The following DGKE variants were observed in gnomAD, a reference collection of about 807,000 sequenced individuals.
DGKE encodes the protein DAG kinase epsilon.
DGKE carries 53 observed loss-of-function variants against 70.0 expected under a neutral mutation model. The observed-to-expected ratio is 0.76, with a 90% CI of 0.61 to 0.95. The LOEUF (loss-of-function observed/expected upper bound fraction) is 0.95. Ranked by LOEUF, DGKE falls within the 40% of genes least tolerant of loss-of-function variation. The pLI is 0.00. For missense variants in DGKE, 655 were observed against 706.9 expected (o/e 0.93, Z 0.83); for synonymous variants, 291 against 257.0 (o/e 1.13, Z -1.27).
chr17:56,856,045 G>T (rs1025715137), intron 7 of DGKE, among the ~76,000 whole-genome samples: 1 of 151,702 alleles, frequency 6.6e-6, no homozygotes, highest in South Asian at 2.1e-4. Context: ...AGAGGTCAAG[G>T]GTGTGTTGGA....
chr17:56,849,133 T>C (rs1480040116), intron 6 of DGKE, 48 bp from the exon 7 acceptor site: 3 of 1,541,562 alleles, frequency 1.9e-6, no homozygotes, highest in South Asian at 2.3e-5. Context: ...ATCCAGAGTA[T>C]GGGGTTTATT....
intron 11 of DGKE, 164 bp downstream of exon 11, chr17:56,862,415 C>A: frequency 1.1e-6 from 1 of 876,436 alleles, no homozygotes. Context: ...GAAACAGAAA[C>A]ATGGCTCAAG....
chr17:56,848,901 A>C, intron 6 of DGKE, 48 bp downstream of exon 6: 1 of 1,610,968 alleles, frequency 6.2e-7, no homozygotes, highest in Non-Finnish European at 8.5e-7. Flanking sequence ...TTTAGCCATA[A>C]TTGGTTAACA....
At chr17:56,858,714 A>G in intron 9 of DGKE, 49 bp downstream of exon 9, 1 of 1,343,812 alleles carries the variant, frequency 7.4e-7, no homozygotes. Context: ...TGGTCTCTGG[A>G]TTATGAAGAC....
intron 7 of DGKE, among the ~76,000 whole-genome samples, chr17:56,850,754 A>C (rs1907598619): frequency 6.6e-6 from 1 of 152,160 alleles, no homozygotes; most frequent in South Asian, 2.1e-4. Flanking sequence ...CAAAACTAGG[A>C]AGGTTCGCAT....
intron 9 of DGKE, among the ~76,000 whole-genome samples, chr17:56,859,547 G>A (rs924386956): frequency 1.3e-5 from 2 of 150,976 alleles, no homozygotes; most frequent in Non-Finnish European, 3.0e-5. Context: ...ATCCTCCTAA[G>A]CAGCTGGGAT....
intron 10 of DGKE, 40 bp from the exon 11 acceptor site, chr17:56,862,099 TA>T: frequency 1.2e-6 from 2 of 1,601,208 alleles, no homozygotes; most frequent in South Asian, 2.2e-5. Flanking sequence ...ACTGATTTTT[TA>T]TTGCATCATA....
rs188737731 is a variant in DGKE, at chr17:56,866,023, C to T, written c.*3232C>T. The T allele has an allele frequency of 6.6e-6, 1 of 152,022 alleles. No homozygotes were observed. Among genetic ancestry groups the T allele is most frequent in the Non-Finnish European group, 1.5e-5 (1 of 68,002 alleles). 9.4% of individuals were successfully genotyped at this position (152,022 alleles called of 1,614,324 possible). On this transcript the variant is annotated 3_prime_UTR_variant, in exon 12 of 12. Coordinates refer to ENST00000284061, the MANE Select transcript of DGKE (RefSeq NM_003647.3). ...ATTGATAATTTTTTTAATATTTCTA[C>T]CCAGTTGAGGACAGTGGAATATAAG...
In DGKE at chr17:56,866,454, A is replaced by G. The variant is rs1487503813; in HGVS notation, c.*3663A>G. On this transcript the variant is annotated 3_prime_UTR_variant, in exon 12 of 12. Coordinates refer to ENST00000284061, the MANE Select transcript of DGKE (RefSeq NM_003647.3). ...TTTTGCTAGGTGGGATACCATGCCG[A>G]AAAATTGAATTAATTGTATGTTCTT... The G allele has an allele frequency of 6.6e-6, 1 of 152,250 alleles. No individual in the cohort carries two copies. The highest frequency in any genetic ancestry group is 1.9e-4 in the East Asian group (1 of 5,208). 9.4% of individuals were successfully genotyped at this position (152,250 alleles called of 1,614,324 possible).
chr17:56,862,799 A>G lies in DGKE; in HGVS notation c.*8A>G. ...ATAAAGGCGACTGAATAGATGGATG[A>G]GGGAGTGAAAACTTTGCATAGAATC... On this transcript the variant is annotated 3_prime_UTR_variant, in exon 12 of 12. Coordinates refer to ENST00000284061, the MANE Select transcript of DGKE (RefSeq NM_003647.3). 6.5e-7 allele frequency: 1 copy of G among 1,531,580 alleles called. No individual in the cohort carries two copies. 94.9% of individuals were successfully genotyped at this position (1,531,580 alleles called of 1,614,324 possible).
At chr17:56,849,047 C>T in intron 6 of DGKE, 134 bp from the exon 7 acceptor site, 1 of 1,187,248 alleles carries the variant, frequency 8.4e-7, no homozygotes, top group Non-Finnish European at 1.2e-6. Context: ...GTACTTATCC[C>T]TAAATTTGCA....
At chr17:56,850,305 T>C (rs745412374) in intron 7 of DGKE, among the ~76,000 whole-genome samples, 1 of 151,858 alleles carries the variant, frequency 6.6e-6, no homozygotes, top group Non-Finnish European at 1.5e-5. Flanking sequence ...TTGTTTTTGT[T>C]TCTGTTTTGT....
chr17:56,849,456 A>G (rs1326654961), intron 7 of DGKE, among the ~76,000 whole-genome samples: 1 of 152,194 alleles, frequency 6.6e-6, no homozygotes, highest in Non-Finnish European at 1.5e-5. Flanking sequence ...ATTCAGAGGA[A>G]GTGGTACGGG....
chr17:56,840,110 G>A (rs1256873908), intron 2 of DGKE, among the ~76,000 whole-genome samples: 1 of 152,134 alleles, frequency 6.6e-6, no homozygotes, highest in Non-Finnish European at 1.5e-5. Flanking sequence ...GTTGCTGTGA[G>A]CCGAGATCGC....
In DGKE at chr17:56,835,083, G is replaced by A. The variant is rs755966050; in HGVS notation, c.288G>A (p.Glu96=). 4.3e-6 allele frequency: 7 copies of A among 1,613,488 alleles called. No homozygotes were observed. The South Asian group carries it at 4.4e-5, about 10-fold the overall frequency. ...ACTGCTGCGGGCTCCGCGTGGACGA[G>A]GGCTGCCTCAGGAAGGCCGACAAGC... is the stretch of plus-strand genomic sequence containing the variant. ...FCDCCGLRVD[E]GCLRKADKRF... The change falls in exon 2 of 12, where the codon GAG becomes GAA. Residue 96 remains glutamate (E), a synonymous_variant. Coordinates refer to ENST00000284061, the MANE Select transcript of DGKE (RefSeq NM_003647.3).
At chr17:56,861,119 C>T (rs1291286893) in intron 9 of DGKE, among the ~76,000 whole-genome samples, 1 of 152,082 alleles carries the variant, frequency 6.6e-6, no homozygotes, top group African/African-American at 2.4e-5. Flanking sequence ...GAAATAGCAT[C>T]AACAGTTTTT....
At chr17:56,855,985 G>A (rs1433261494) in intron 7 of DGKE, among the ~76,000 whole-genome samples, 3 of 137,108 alleles carry the variant, frequency 2.2e-5, no homozygotes, top group East Asian at 2.2e-4. Context: ...CAGCCAGGGC[G>A]ACAGTCCGAG....
Position 56,867,372 on chromosome 17 carries a change from G to C in DGKE, c.*4581G>C, listed in dbSNP as rs1486141528. The C allele has an allele frequency of 6.6e-6, 1 of 152,040 alleles. No individual in the cohort carries two copies. Among genetic ancestry groups the C allele is most frequent in the Non-Finnish European group, 1.5e-5 (1 of 68,018 alleles). 9.4% of individuals were successfully genotyped at this position (152,040 alleles called of 1,614,324 possible). A position where few individuals can be genotyped will look rare whatever the true frequency, so the allele number is the denominator to read the frequency against. On this transcript the variant is annotated 3_prime_UTR_variant, in exon 12 of 12. Coordinates refer to ENST00000284061, the MANE Select transcript of DGKE (RefSeq NM_003647.3). The stretch of plus-strand genomic sequence containing the variant: ...TCCCAGCACTTGGGGGGCTAAGGGA[G>C]GCGTATCACCTGAGGTCAGGAGTTT...
intron 2 of DGKE, 111 bp from the exon 3 acceptor site, chr17:56,843,908 G>T: frequency 9.7e-7 from 1 of 1,033,200 alleles, no homozygotes; most frequent in Non-Finnish European, 1.3e-6. Flanking sequence ...AAATGTTATG[G>T]TAAGTAGTGA....
Sources: allele counts gnomAD v4.1 joint callset (sites outside exome capture counted in the v4.1 genomes callset), GRCh38; gene constraint gnomAD v4.1.1; transcripts MANE v1.5; gene names NCBI Gene and HGNC (gene_info 2026-07-23, HGNC 2026-07-21).